Variants in C3 observed in about 807,000 individuals in gnomAD.
C3 encodes C3 and PZP-like alpha-2-macroglobulin domain-containing protein 1.
A neutral mutation model predicts 207.9 loss-of-function variants in C3; 97 were observed. The observed-to-expected ratio is 0.47, with a 90% CI of 0.40 to 0.55. The LOEUF is 0.55. Among genes scored for constraint, C3 ranks in the 20% least tolerant of loss-of-function variants. The pLI is 0.00. For synonymous variants in C3, 848 were observed against 857.6 expected (o/e 0.99, Z 0.20); for missense variants, 1,684 against 2,171.7 (o/e 0.78, Z 4.46).
chr19:6,689,287 A>ACAGTCCCCCCC (rs1918090260), intron 27 of C3, among the ~76,000 whole-genome samples: 2 of 101,628 alleles, frequency 2.0e-5, no homozygotes, highest in South Asian at 3.1e-4. Context: ...GATTTGTCTG[A>ACAGTCCCCCCC]CCCCACCTCT....
At chr19:6,709,648 G>T in intron 14 of C3, 36 bp downstream of exon 14, 3 of 968,376 alleles carry the variant, frequency 3.1e-6, no homozygotes, top group Non-Finnish European at 1.5e-6. Context: ...CCGTGCCTCC[G>T]CCTCTTCTCA....
rs371875522 is a variant in C3 at position 6,696,334 on chromosome 19, C to T, written c.2950+45G>A. On this transcript the variant is annotated intron_variant, in intron 23 of 40. Coordinates refer to ENST00000245907, the MANE Select transcript of C3 (RefSeq NM_000064.4). The stretch of plus-strand genomic sequence containing the variant: ...GAATGAGATGGAATTTGGCTCCATC[C>T]ATGCCCTCCTGGGACCCATGGGGTC... The T allele has an allele frequency of 2.6e-5, 36 of 1,362,764 alleles. No homozygotes were observed. In the African/African-American group the frequency reaches 5.1e-4, roughly 19 times the overall value. The allele number at this position is 1,362,764 out of a possible 1,614,324, so 84.4% of individuals were successfully genotyped here.
intron 19 of C3, among the ~76,000 whole-genome samples, chr19:6,698,551 C>T (rs1967588159): frequency 6.6e-6 from 1 of 151,924 alleles, no homozygotes; most frequent in African/African-American, 2.4e-5. Context: ...AAACTTTAAA[C>T]CTGATGATCT....
At chr19:6,699,369 C>T (rs896698905) in intron 19 of C3, among the ~76,000 whole-genome samples, 8 of 151,912 alleles carry the variant, frequency 5.3e-5, no homozygotes, top group African/African-American at 7.2e-5. Flanking sequence ...CCTTTGCACC[C>T]GGCCTGAGAA....
At chr19:6,678,120 C>A (rs1257106461) in intron 40 of C3, 32 bp downstream of exon 40, 4 of 1,613,986 alleles carry the variant, frequency 2.5e-6, no homozygotes, top group Non-Finnish European at 2.5e-6. Flanking sequence ...GGCAGTCGGG[C>A]GGTCGCGCGC....
intron 18 of C3, 121 bp downstream of exon 18, chr19:6,702,349 AT>A: frequency 1.0e-6 from 1 of 970,032 alleles, no homozygotes; most frequent in South Asian, 1.3e-5. Flanking sequence ...CCAATTCCTG[AT>A]TTTTCTAGGT....
chr19:6,710,386 C>T (rs1195667177), intron 13 of C3, among the ~76,000 whole-genome samples: 2 of 75,908 alleles, frequency 2.6e-5, no homozygotes, highest in East Asian at 3.8e-4. Context: ...AAAGAGAGAT[C>T]GAGAGAGGGA....
chr19:6,682,800 G>A (rs556155777), intron 33 of C3: 1 of 159,392 alleles, frequency 6.3e-6, no homozygotes, highest in East Asian at 1.8e-4. Flanking sequence ...AAAGTGTGTA[G>A]TTCTGTTGCC....
At position 6,710,573 on chromosome 19, in the gene C3, G is replaced by GGAGA. The variant is rs112132860; in HGVS notation, c.1686+62_1686+65dup. The GGAGA allele has an allele frequency of 1.9e-3, 2,002 of 1,029,486 alleles. 1 individual carries two copies. Among genetic ancestry groups the GGAGA allele is most frequent in the Non-Finnish European group, 2.5e-3 (1,750 of 691,378 alleles). 63.8% of individuals were successfully genotyped at this position (1,029,486 alleles called of 1,614,324 possible). ...GGAGAGAGAGAGAGAGAGGAGACAG[G>GGAGA]GAGAGAGAGAGAGAGAGAGGAGTAG... On this transcript the variant is annotated intron_variant, in intron 13 of 40. Coordinates refer to ENST00000245907, the MANE Select transcript of C3 (RefSeq NM_000064.4).
intron 19 of C3, among the ~76,000 whole-genome samples, chr19:6,698,886 C>G (rs943306507): frequency 6.6e-6 from 1 of 151,982 alleles, no homozygotes; most frequent in Non-Finnish European, 1.5e-5. Flanking sequence ...CCTCTATATC[C>G]TGGGTTCAAG....
chr19:6,714,900 T>A (rs1213152752), intron 4 of C3, among the ~76,000 whole-genome samples: 2 of 151,364 alleles, frequency 1.3e-5, no homozygotes, highest in African/African-American at 4.9e-5. Context: ...CAACCTTAGG[T>A]TTCAATCTCT....
At position 6,720,590 on chromosome 19, in the gene C3, G is replaced by GGT. The variant is rs528697923; in HGVS notation, c.-3_-2dup. 6.2e-3 allele frequency: 9,807 copies of GGT among 1,576,168 alleles called. 57 individuals carry two copies. Among genetic ancestry groups the GGT allele is most frequent in the South Asian group, 8.3e-3 (717 of 86,046 alleles). On this transcript the variant is annotated 5_prime_UTR_variant, in exon 1 of 41. Coordinates refer to ENST00000245907, the MANE Select transcript of C3 (RefSeq NM_000064.4). ...GGCTGGGACCTGAGGTGGGTCCCAT[G>GGT]GTGCTGGGACAGTGCAGGGTCAGAG...
At chr19:6,711,515 C>T (rs976680174) in intron 11 of C3, among the ~76,000 whole-genome samples, 1 of 152,128 alleles carries the variant, frequency 6.6e-6, no homozygotes, top group African/African-American at 2.4e-5. Context: ...GCCCTGGCGA[C>T]ACTGGAAAAA....
chr19:6,708,688 T>C (rs1413755886), intron 14 of C3, among the ~76,000 whole-genome samples: 1 of 117,116 alleles, frequency 8.5e-6, no homozygotes, highest in Non-Finnish European at 1.8e-5. Flanking sequence ...TTCTTTCCAT[T>C]CTTTTTTTTT....
chr19:6,685,017 C>A lies in C3; in HGVS notation c.3940G>T (p.Glu1314Ter). Residue 1314 changes from glutamate to a stop codon, truncating the protein, a stop_gained, in exon 30 of 41, where the codon GAA becomes TAA. Coordinates refer to ENST00000245907, the MANE Select transcript of C3 (RefSeq NM_000064.4). LOFTEE classifies it high-confidence loss of function. ...TCTGATCGCAGGAGGCTGGCAGATT[C>A]CCAGTGGATACGGTGGGTGATCTTG... ...SSKITHRIHW[E>*]SASLLRSEET... 6.2e-7 allele frequency: 1 copy of A among 1,613,842 alleles called. No individual in the cohort carries two copies. The highest frequency in any genetic ancestry group is 8.5e-7 in the Non-Finnish European group (1 of 1,179,998).
chr19:6,697,077 A>AAATT (rs1967555195), intron 21 of C3, among the ~76,000 whole-genome samples: 2 of 48,990 alleles, frequency 4.1e-5, no homozygotes, highest in African/African-American at 1.2e-4. Flanking sequence ...AATAAATAAA[A>AAATT]AATTTCAAAT....
rs1286344930 is a variant in C3, at chr19:6,694,578, G to A, written c.3007C>T (p.Leu1003Phe). The A allele has an allele frequency of 6.2e-7, 1 of 1,614,056 alleles. No individual in the cohort carries two copies. The highest frequency in any genetic ancestry group is 1.1e-5 in the South Asian group (1 of 91,090). The change falls in exon 24 of 41, where the codon CTC becomes TTC. Residue 1003 changes from leucine to phenylalanine, a missense_variant. By Grantham distance (22) the Leu-to-Phe change is conservative (BLOSUM62 0). Around this residue, in one of 3 missense-constraint regions of C3, gnomAD observed 1,280 missense variants for 1,739.1 expected, o/e 0.74. Transcript: ENST00000245907. Reference protein sequence around the residue: ...DAVDAERLKHLIVTPSGCGEQ... With the variant: ...DAVDAERLKHFIVTPSGCGEQ... ...CCGCAGCCCGAGGGGGTCACAATGA[G>A]GTGCTTCAGCCGTTCCGCGTCGACG...
intron 40 of C3, 61 bp downstream of exon 40, chr19:6,678,091 G>A: frequency 6.2e-7 from 1 of 1,614,076 alleles, no homozygotes; most frequent in Non-Finnish European, 8.5e-7. Flanking sequence ...TGACAATGGT[G>A]TGGGCGTGGC....
In C3 at chr19:6,686,566, C is replaced by T. The variant is rs189462196; in HGVS notation, c.3646+180G>A. On this transcript the variant is annotated intron_variant, in intron 28 of 40. Transcript: ENST00000245907. ...ATGAGGACCTGCGAAAACTTAGAGC[C>T]GTGCATCCCAGCTCAGCTCAGGGTT... is the stretch of plus-strand genomic sequence containing the variant. 2.5e-4 allele frequency: 195 copies of T among 781,358 alleles called. 1 individual carries two copies. In the African/African-American group the frequency reaches 2.9e-3, roughly 12 times the overall value. 48.4% of individuals were successfully genotyped at this position (781,358 alleles called of 1,614,324 possible).
Sources: gnomAD v4.1 joint callset for allele counts (sites outside exome capture counted in the v4.1 genomes callset) on GRCh38, gnomAD v4.1.1 for gene constraint, gnomAD v4.1.1 regional missense constraint, MANE v1.5 for transcripts, NCBI Gene and HGNC (gene_info 2026-07-23, HGNC 2026-07-21) for gene names.